Variants in ANKS1B observed in about 807,000 individuals in gnomAD.
ANKS1B encodes the protein ankyrin repeat and sterile alpha motif domain-containing protein 1B.
A neutral mutation model predicts 148.3 loss-of-function variants in ANKS1B; 36 were observed. The observed-to-expected ratio is 0.24, with a 90% confidence interval of 0.19 to 0.32. ANKS1B has a LOEUF of 0.32. ANKS1B is among the 10% of genes least tolerant of loss of function. The pLI is 1.00. For synonymous variants in ANKS1B, 542 were observed against 560.8 expected, an observed-to-expected ratio of 0.97 and a Z score of 0.47; for missense variants, 1,157 against 1,542.6, an observed-to-expected ratio of 0.75 and a Z score of 4.19.
At chr12:99,910,733 A>G (rs1349045591) in intron 1 of ANKS1B, among the ~76,000 whole-genome samples, 1 of 152,200 alleles carries the variant, frequency 6.6e-6, no homozygotes, top group Non-Finnish European at 1.5e-5. Flanking sequence ...CTGTTTAAAA[A>G]CATGTATCTA....
At chr12:98,895,149 C>T (rs1213215396) in intron 17 of ANKS1B, 2 of 985,046 alleles carry the variant, frequency 2.0e-6, no homozygotes, top group African/African-American at 3.5e-5. Context: ...GGCGGACCCT[C>T]ACTGCGAGAG....
At chr12:99,121,170 G>A (rs2062717546) in intron 15 of ANKS1B, among the ~76,000 whole-genome samples, 1 of 151,646 alleles carries the variant, frequency 6.6e-6, no homozygotes, top group Non-Finnish European at 1.5e-5. Context: ...TTATAGCTAT[G>A]CTTATAAGGT....
chr12:98,884,554 C>T (rs1045894867), intron 17 of ANKS1B, among the ~76,000 whole-genome samples: 9 of 151,644 alleles, frequency 5.9e-5, no homozygotes, highest in Admixed American at 5.3e-4. Context: ...AATCCCAGCA[C>T]TTTGGGAGGC....
intron 14 of ANKS1B, among the ~76,000 whole-genome samples, chr12:99,218,630 G>A (rs1364948615): frequency 6.6e-6 from 1 of 152,072 alleles, no homozygotes; most frequent in East Asian, 1.9e-4. Flanking sequence ...TTAAGATCTT[G>A]GGTTCTGGAA....
rs79158739 is a variant in ANKS1B, at chr12:99,216,878, G to T, written c.2419+27464C>A. Reference sequence around the variant, plus strand: ...GCCGTGTGACTAAGTTCTGATCAATGGTATGTGAGGAGGAATGAGCTACGC... The same window carrying T: ...GCCGTGTGACTAAGTTCTGATCAATTGTATGTGAGGAGGAATGAGCTACGC... On this transcript the variant is annotated intron_variant, in intron 14 of 26. Transcript: ENST00000683438. Among the ~76,000 whole-genome samples the T allele has an allele frequency of 4.0e-3, 606 of 152,296 alleles. 20 individuals carry two copies. The East Asian group carries it at 0.08, about 20-fold the overall frequency.
chr12:99,586,506 T>C (rs2097641739), intron 9 of ANKS1B, among the ~76,000 whole-genome samples: 1 of 152,154 alleles, frequency 6.6e-6, no homozygotes, highest in Admixed American at 6.5e-5. Flanking sequence ...GTTCCAAACT[T>C]TCCCACATTT....
chr12:99,579,928 A>G (rs1314333638), intron 9 of ANKS1B, among the ~76,000 whole-genome samples: 1 of 152,206 alleles, frequency 6.6e-6, no homozygotes, highest in Non-Finnish European at 1.5e-5. Context: ...TATTCACAAC[A>G]GCAAAGACAT....
chr12:99,337,389 T>A (rs975057356), intron 12 of ANKS1B, among the ~76,000 whole-genome samples: 1 of 152,110 alleles, frequency 6.6e-6, no homozygotes, highest in East Asian at 1.9e-4. Context: ...GATAGAATTC[T>A]GAATACCTTC....
At chr12:99,443,147 C>A (rs1333968953) in intron 11 of ANKS1B, among the ~76,000 whole-genome samples, 1 of 151,734 alleles carries the variant, frequency 6.6e-6, no homozygotes, top group South Asian at 2.1e-4. Context: ...GAAAAAAGAA[C>A]AAAGGATAAA....
chr12:99,465,433 A>C (rs568158639), intron 10 of ANKS1B, among the ~76,000 whole-genome samples: 10 of 152,104 alleles, frequency 6.6e-5, no homozygotes, highest in East Asian at 5.8e-4. Flanking sequence ...ATCAAATTCA[A>C]ACATAACAGT....
At chr12:99,195,075 A>G (rs1023379196) in intron 14 of ANKS1B, among the ~76,000 whole-genome samples, 1 of 152,202 alleles carries the variant, frequency 6.6e-6, no homozygotes, top group Non-Finnish European at 1.5e-5. Context: ...GGCATGAAAT[A>G]AAATGCTCTC....
At chr12:99,322,828 T>G (rs377224830) in intron 12 of ANKS1B, among the ~76,000 whole-genome samples, 7 of 152,156 alleles carry the variant, frequency 4.6e-5, no homozygotes, top group Non-Finnish European at 1.0e-4. Flanking sequence ...ATGGAGGAAG[T>G]TTTCCCCGTA....
At chr12:99,096,087 G>GA (rs1217189201) in intron 15 of ANKS1B, among the ~76,000 whole-genome samples, 1 of 152,074 alleles carries the variant, frequency 6.6e-6, no homozygotes, top group Non-Finnish European at 1.5e-5. Flanking sequence ...TATTCTACAG[G>GA]AAAAAATGTT....
intron 10 of ANKS1B, among the ~76,000 whole-genome samples, chr12:99,465,442 G>A (rs529236037): frequency 4.6e-5 from 7 of 152,024 alleles, no homozygotes; most frequent in African/African-American, 1.7e-4. Flanking sequence ...AAACATAACA[G>A]TATTAACTTT....
chr12:99,689,388 G>T (rs1208137158), intron 8 of ANKS1B, among the ~76,000 whole-genome samples: 1 of 152,212 alleles, frequency 6.6e-6, no homozygotes, highest in African/African-American at 2.4e-5. Flanking sequence ...AGTAAGCTTA[G>T]TGCGTGTGGC....
chr12:99,613,117 C>T (rs796738821), intron 9 of ANKS1B, among the ~76,000 whole-genome samples: 1 of 152,108 alleles, frequency 6.6e-6, no homozygotes, highest in Non-Finnish European at 1.5e-5. Flanking sequence ...CCATTTCCAC[C>T]TCAGTGAGGC....
At chr12:99,765,700 C>T (rs1219409277) in intron 8 of ANKS1B, among the ~76,000 whole-genome samples, 5 of 152,140 alleles carry the variant, frequency 3.3e-5, no homozygotes, top group Non-Finnish European at 5.9e-5. Flanking sequence ...AAATATTTCA[C>T]TTTCACTAGA....
At chr12:99,287,012 T>C (rs1042693146) in intron 12 of ANKS1B, among the ~76,000 whole-genome samples, 2 of 152,146 alleles carry the variant, frequency 1.3e-5, no homozygotes, top group African/African-American at 4.8e-5. Context: ...CCTGGCTACA[T>C]TTGCTGCCTG....
intron 17 of ANKS1B, among the ~76,000 whole-genome samples, chr12:98,870,320 C>T (rs2152367860): frequency 6.6e-6 from 1 of 152,324 alleles, no homozygotes; most frequent in South Asian, 2.1e-4. Context: ...CAGCTATCTT[C>T]AGTAATACAC....
Sources: allele counts gnomAD v4.1 joint callset (sites outside exome capture counted in the v4.1 genomes callset), GRCh38; gene constraint gnomAD v4.1.1; transcripts MANE v1.5; gene names NCBI Gene and HGNC (gene_info 2026-07-23, HGNC 2026-07-21).